C7orf78: variants seen among roughly 807,000 people sequenced by gnomAD.
C7orf78 encodes the protein chromosome 7 open reading frame 78, also known as putative uncharacterized protein C7orf78.
the C7orf78 span, among the ~76,000 whole-genome samples, chr7:12,506,396 G>A: frequency 3.9e-5 from 6 of 152,258 alleles, no homozygotes; most frequent in South Asian, 8.3e-4. Context: ...CAACCCACTT[G>A]TCCATCAGTG....
the C7orf78 span, chr7:12,528,936 G>C: frequency 5.0e-6 from 2 of 398,276 alleles, no homozygotes; most frequent in African/African-American, 4.1e-5. Context: ...ATGATAAACA[G>C]AAGACTAGTA....
chr7:12,519,575 C>G, the C7orf78 span, among the ~76,000 whole-genome samples: 1 of 152,170 alleles, frequency 6.6e-6, no homozygotes, highest in Admixed American at 6.5e-5. Context: ...CACTGTGAAC[C>G]CAAGTACAAT....
the C7orf78 span, among the ~76,000 whole-genome samples, chr7:12,504,898 A>T: frequency 6.6e-6 from 1 of 152,116 alleles, no homozygotes; most frequent in African/African-American, 2.4e-5. Flanking sequence ...TAAGGTATCA[A>T]GTGTATCTGT....
chr7:12,517,415 T>A, the C7orf78 span, among the ~76,000 whole-genome samples: 4 of 152,332 alleles, frequency 2.6e-5, no homozygotes, highest in African/African-American at 9.6e-5. Context: ...ATTAATATGA[T>A]GTCTAAATCT....
the C7orf78 span, among the ~76,000 whole-genome samples, chr7:12,515,342 T>C: frequency 6.6e-6 from 1 of 152,224 alleles, no homozygotes; most frequent in South Asian, 2.1e-4. Context: ...TCTCTTGCCA[T>C]TGCCATGTAA....
At chr7:12,525,944 C>G in the C7orf78 span, 5 of 395,938 alleles carry the variant, frequency 1.3e-5, no homozygotes, top group Admixed American at 4.4e-5. Flanking sequence ...AAAAAAAACT[C>G]TGCATTCCAT....
the C7orf78 span, among the ~76,000 whole-genome samples, chr7:12,498,301 A>T: frequency 6.6e-6 from 1 of 151,938 alleles, no homozygotes; most frequent in Non-Finnish European, 1.5e-5. Flanking sequence ...ACGGGTGGAC[A>T]TTCAAACCAA....
the C7orf78 span, among the ~76,000 whole-genome samples, chr7:12,514,947 A>G: frequency 6.6e-6 from 1 of 152,166 alleles, no homozygotes; most frequent in Non-Finnish European, 1.5e-5. Flanking sequence ...ACATCATCCC[A>G]TTCCTTCCTT....
the C7orf78 span, among the ~76,000 whole-genome samples, chr7:12,489,738 T>C: frequency 2.0e-5 from 3 of 152,078 alleles, no homozygotes; most frequent in African/African-American, 7.2e-5. Context: ...ACAGGCAAAA[T>C]TGCTATGTAG....
chr7:12,526,787 C>T, the C7orf78 span, among the ~76,000 whole-genome samples: 1 of 151,494 alleles, frequency 6.6e-6, no homozygotes, highest in Non-Finnish European at 1.5e-5. Context: ...TGTCAACTTT[C>T]CTAGTATATG....
chr7:12,487,679 T>G, the C7orf78 span, among the ~76,000 whole-genome samples: 1 of 152,070 alleles, frequency 6.6e-6, no homozygotes, highest in Admixed American at 6.6e-5. Context: ...TTAAAGCCAA[T>G]TCTCTCTGCA....
chr7:12,520,180 C>G, the C7orf78 span, among the ~76,000 whole-genome samples: 1 of 152,176 alleles, frequency 6.6e-6, no homozygotes, highest in Non-Finnish European at 1.5e-5. Context: ...GCTTTCTTCC[C>G]CTTCTGTGTC....
the C7orf78 span, among the ~76,000 whole-genome samples, chr7:12,522,613 T>C: frequency 6.6e-6 from 1 of 152,184 alleles, no homozygotes; most frequent in Non-Finnish European, 1.5e-5. Flanking sequence ...ATTTTCTTGA[T>C]AAAGCTAGCT....
At chr7:12,491,193 T>C in the C7orf78 span, 2 of 152,214 alleles carry the variant, frequency 1.3e-5, no homozygotes, top group African/African-American at 2.4e-5. Context: ...TTGTTAACTG[T>C]AATGAATTGA....
the C7orf78 span, among the ~76,000 whole-genome samples, chr7:12,535,437 C>G: frequency 6.6e-6 from 1 of 152,184 alleles, no homozygotes; most frequent in African/African-American, 2.4e-5. Flanking sequence ...TGGGAAAGAA[C>G]TGTCCCCATG....
the C7orf78 span, chr7:12,538,314 A>G: frequency 6.6e-6 from 1 of 152,210 alleles, no homozygotes; most frequent in East Asian, 1.9e-4. Flanking sequence ...CTGTAGCTCC[A>G]GGATCTGGGG....
At chr7:12,488,061 T>C in the C7orf78 span, among the ~76,000 whole-genome samples, 1 of 152,224 alleles carries the variant, frequency 6.6e-6, no homozygotes, top group East Asian at 1.9e-4. Flanking sequence ...AATTCTCAAG[T>C]ATCATGTGAC....
chr7:12,514,684 C>A, the C7orf78 span, among the ~76,000 whole-genome samples: 4,098 of 151,946 alleles, frequency 0.027, 192 homozygotes, highest in African/African-American at 0.094. Flanking sequence ...CTATTTGACT[C>A]CTTTCTCTTC....
chr7:12,486,737 C>G, the C7orf78 span, among the ~76,000 whole-genome samples: 1 of 151,962 alleles, frequency 6.6e-6, no homozygotes, highest in African/African-American at 2.4e-5. Flanking sequence ...TCTCCTTCAG[C>G]TTCATTCTGT....
Sources: gnomAD v4.1 joint callset for allele counts (sites outside exome capture counted in the v4.1 genomes callset) on GRCh38, gnomAD v4.1.1 for gene constraint, MANE v1.5 for transcripts, NCBI Gene and HGNC (gene_info 2026-07-23, HGNC 2026-07-21) for gene names.